Variants in NRXN1 observed in about 807,000 individuals in gnomAD.
The protein encoded by NRXN1 is neurexin-1.
A neutral mutation model predicts 150.9 loss-of-function variants in NRXN1; 39 were observed. That is an observed-to-expected ratio of 0.26 (90% confidence interval 0.20 to 0.34). The LOEUF (loss-of-function observed/expected upper bound fraction) is 0.34. Among genes scored for constraint, NRXN1 ranks in the 10% least tolerant of loss-of-function variants. The probability of loss-of-function intolerance (pLI) is 1.00; values close to 1 mark genes in which losing one functional copy is unlikely to be tolerated. For synonymous variants in NRXN1, 924 were observed against 757.0 expected, an observed-to-expected ratio of 1.22 and a Z score of -3.62; for missense variants, 1,815 against 1,949.9, an observed-to-expected ratio of 0.93 and a Z score of 1.30.
At chr2:49,954,260 T>C (rs2104482628) in intron 21 of NRXN1, among the ~76,000 whole-genome samples, 1 of 152,238 alleles carries the variant, frequency 6.6e-6, no homozygotes, top group South Asian at 2.1e-4. Flanking sequence ...ATTGAATTCA[T>C]TTTGGCATTC....
chr2:50,739,714 C>T (rs371230809), intron 5 of NRXN1, among the ~76,000 whole-genome samples: 1 of 152,158 alleles, frequency 6.6e-6, no homozygotes, highest in South Asian at 2.1e-4. Flanking sequence ...GGAATTTTAA[C>T]ATTGTCTTCA....
intron 2 of NRXN1, among the ~76,000 whole-genome samples, chr2:51,018,963 G>C (rs773243817): frequency 1.3e-5 from 2 of 152,066 alleles, no homozygotes; most frequent in Non-Finnish European, 2.9e-5. Flanking sequence ...AAAACAAAGA[G>C]TGATGAATTC....
At chr2:50,333,189 G>A (rs897889264) in intron 17 of NRXN1, among the ~76,000 whole-genome samples, 2 of 152,106 alleles carry the variant, frequency 1.3e-5, no homozygotes, top group East Asian at 1.9e-4. Flanking sequence ...GCTCCCCTAC[G>A]TGGGTGGCAA....
At chr2:50,850,794 A>G (rs1238548224) in intron 5 of NRXN1, among the ~76,000 whole-genome samples, 3 of 152,162 alleles carry the variant, frequency 2.0e-5, no homozygotes, top group Non-Finnish European at 4.4e-5. Flanking sequence ...GAGGGTGTCT[A>G]AAATGAAATA....
At chr2:50,773,255 A>AT (rs1703223135) in intron 5 of NRXN1, among the ~76,000 whole-genome samples, 1 of 152,116 alleles carries the variant, frequency 6.6e-6, no homozygotes, top group Non-Finnish European at 1.5e-5. Flanking sequence ...AATTCTATTT[A>AT]TTCAACTCCT....
chr2:50,551,930 G>A (rs1441914851), intron 9 of NRXN1, among the ~76,000 whole-genome samples: 3 of 152,060 alleles, frequency 2.0e-5, no homozygotes, highest in African/African-American at 7.2e-5. Context: ...AAATTTCAGT[G>A]TAAATGTGAT....
At chr2:50,899,648 T>A (rs551108572) in intron 5 of NRXN1, among the ~76,000 whole-genome samples, 2 of 152,284 alleles carry the variant, frequency 1.3e-5, no homozygotes, top group East Asian at 3.9e-4. Flanking sequence ...TTTTTTCTAA[T>A]ATTTTGCAGG....
At position 50,359,696 on chromosome 2, in the gene NRXN1, C is replaced by T. The variant is rs1410922667; in HGVS notation, c.3364+105746G>A. ...TGGAAAACACACTTCAGGATATTAT[C>T]CAGGAGAACTTGCCCAACCCGCAAG... On this transcript the variant is annotated intron_variant, in intron 17 of 22. Transcript: ENST00000401669. Among the ~76,000 whole-genome samples the T allele has an allele frequency of 3.9e-5, 6 of 152,164 alleles. 1 individual carries two copies. The South Asian group carries it at 8.3e-4, about 21-fold the overall frequency.
At chr2:50,747,911 A>T (rs1700186055) in intron 5 of NRXN1, among the ~76,000 whole-genome samples, 1 of 152,106 alleles carries the variant, frequency 6.6e-6, no homozygotes, top group Non-Finnish European at 1.5e-5. Context: ...GGATGTGATC[A>T]CCAAAAGTCT....
chr2:50,687,480 C>A (rs1446545889), intron 5 of NRXN1, among the ~76,000 whole-genome samples: 3 of 152,100 alleles, frequency 2.0e-5, no homozygotes, highest in African/African-American at 7.2e-5. Flanking sequence ...CCCTCAACGT[C>A]AGGCTTTCAG....
chr2:50,057,571 G>A (rs147470851), intron 19 of NRXN1, among the ~76,000 whole-genome samples: 113 of 152,238 alleles, frequency 7.4e-4, no homozygotes, highest in African/African-American at 2.5e-3. Context: ...CCTCCATGAG[G>A]CCAAGTACTA....
At chr2:50,908,648 C>A (rs1223434754) in intron 5 of NRXN1, among the ~76,000 whole-genome samples, 1 of 151,950 alleles carries the variant, frequency 6.6e-6, no homozygotes, top group African/African-American at 2.4e-5. Context: ...GAGAAAAAAT[C>A]TGAATTTGGG....
At chr2:50,474,041 C>G (rs1345277189) in intron 15 of NRXN1, among the ~76,000 whole-genome samples, 1 of 133,988 alleles carries the variant, frequency 7.5e-6, no homozygotes, top group Non-Finnish European at 1.5e-5. Flanking sequence ...GTATTTACTT[C>G]CCCCCTTTTA....
At chr2:50,827,317 A>G (rs1204205146) in intron 5 of NRXN1, among the ~76,000 whole-genome samples, 1 of 152,234 alleles carries the variant, frequency 6.6e-6, no homozygotes, top group East Asian at 1.9e-4. Flanking sequence ...GAATTTGGTT[A>G]TAATTTATTG....
At chr2:50,266,258 C>G (rs1354699718) in intron 17 of NRXN1, among the ~76,000 whole-genome samples, 1 of 149,886 alleles carries the variant, frequency 6.7e-6, no homozygotes, top group Non-Finnish European at 1.5e-5. Context: ...CTTGGCCTCC[C>G]AAAATGCTGG....
intron 17 of NRXN1, among the ~76,000 whole-genome samples, chr2:50,314,399 C>A (rs1276191143): frequency 2.6e-5 from 4 of 152,018 alleles, no homozygotes; most frequent in African/African-American, 9.7e-5. Context: ...AACACTCCAT[C>A]CGGCCTTTCC....
At chr2:50,587,313 C>G (rs370007027) in intron 8 of NRXN1, among the ~76,000 whole-genome samples, 1 of 152,278 alleles carries the variant, frequency 6.6e-6, no homozygotes, top group East Asian at 1.9e-4. Context: ...GGTGAAACAC[C>G]GTCTCCACTA....
intron 13 of NRXN1, among the ~76,000 whole-genome samples, chr2:50,504,315 T>G (rs964830985): frequency 1.3e-5 from 2 of 152,126 alleles, no homozygotes; most frequent in Admixed American, 1.3e-4. Flanking sequence ...TGGCTTTTAT[T>G]TCTTAGGCAA....
At chr2:50,474,941 C>A (rs2089870002) in intron 15 of NRXN1, among the ~76,000 whole-genome samples, 1 of 150,580 alleles carries the variant, frequency 6.6e-6, no homozygotes, top group African/African-American at 2.4e-5. Context: ...TGTACCTTCA[C>A]TAACTCAAAG....
Sources: gnomAD v4.1 joint callset for allele counts (sites outside exome capture counted in the v4.1 genomes callset) on GRCh38, gnomAD v4.1.1 for gene constraint, MANE v1.5 for transcripts, NCBI Gene and HGNC (gene_info 2026-07-23, HGNC 2026-07-21) for gene names.